Variants in ANKRD24 observed in about 807,000 individuals in gnomAD.
ANKRD24 encodes ankyrin repeat domain 24.
A neutral mutation model predicts 127.8 loss-of-function variants in ANKRD24; 109 were observed. The observed-to-expected ratio is 0.85, with a 90% confidence interval of 0.73 to 1.00. ANKRD24 has a LOEUF of 1.00. Ranked by LOEUF, ANKRD24 falls within the 50% of genes least tolerant of loss-of-function variation. The pLI is 0.00. For missense variants in ANKRD24, 1,648 were observed against 1,570.2 expected (o/e 1.05, Z -0.84); for synonymous variants, 743 against 671.1 (o/e 1.11, Z -1.66).
rs1440616640 is a variant in ANKRD24, at chr19:4,198,150, C to T, written c.37-1533C>T. The T allele has an allele frequency of 1.1e-5, 6 of 534,874 alleles. No individual in the cohort carries two copies. The highest frequency in any genetic ancestry group is 3.7e-5 in the Admixed American group (1 of 27,174). 33.1% of individuals were successfully genotyped at this position (534,874 alleles called of 1,614,324 possible). A position where few individuals can be genotyped will look rare whatever the true frequency, so the allele number is the denominator to read the frequency against. On this transcript the variant is annotated intron_variant, in intron 2 of 21. Coordinates refer to ENST00000318934, the MANE Select transcript of ANKRD24 (RefSeq NM_001393985.1). This position sits in a 1 kb window ranked among gnomAD's most constrained non-coding sequence, Gnocchi z 6.1. ...GCGGGTCCCCTGGAGATGCAGCCGG[C>T]GGCCTGCGCTGGTGAGGGAGCCGGG...
intron 2 of ANKRD24, among the ~76,000 whole-genome samples, chr19:4,193,721 C>T (rs1599401740): frequency 2.0e-5 from 3 of 151,726 alleles, no homozygotes; most frequent in South Asian, 4.2e-4. Context: ...CGTGTAATCC[C>T]AGATACTCGG....
At chr19:4,202,297 G>A (rs1568324480) in intron 6 of ANKRD24, among the ~76,000 whole-genome samples, 1 of 152,070 alleles carries the variant, frequency 6.6e-6, no homozygotes, top group African/African-American at 2.4e-5. Flanking sequence ...GCCAGGCGCG[G>A]TGGCTCACGC....
chr19:4,191,125 T>G lies in ANKRD24; in HGVS notation c.36+4664T>G, dbSNP rs545288789. On this transcript the variant is annotated intron_variant, in intron 2 of 21. Transcript: ENST00000318934. ...GTTAGCCCATAGCCTGGGCTGGAAC[T>G]GTTGCAGCAGATGGGAGGCCTGGCT... 2.0e-5 allele frequency among the ~76,000 whole-genome samples: 3 copies of G among 152,304 alleles called. No homozygotes were observed. In the East Asian group the frequency reaches 5.8e-4, roughly 29 times the overall value.
In ANKRD24 at chr19:4,208,786, C is replaced by G; in HGVS notation, c.855C>G (p.Gly285=). ...PPSALTEDDS[G]EASSQNSMSS... ...CAGCCCTCACAGAGGATGATTCAGG[C>G]GAGGCGTCATCTCAGGTATGGACCC... The change falls in exon 11 of 22, where the codon GGC becomes GGG. Residue 285 remains glycine, a synonymous_variant. Coordinates refer to ENST00000318934, the MANE Select transcript of ANKRD24 (RefSeq NM_001393985.1). 1 of 1,613,200 alleles carries G rather than the reference C, an allele frequency of 6.2e-7. No individual in the cohort carries two copies. Among genetic ancestry groups the G allele is most frequent in the Non-Finnish European group, 8.5e-7 (1 of 1,179,552 alleles).
At position 4,210,255 on chromosome 19, in the gene ANKRD24, A is replaced by G; in HGVS notation, c.952-10A>G. The G allele has an allele frequency of 6.3e-7, 1 of 1,574,914 alleles. No homozygotes were observed. Among genetic ancestry groups the G allele is most frequent in the South Asian group, 1.2e-5 (1 of 85,980 alleles). ...GCCCCATCTAAAGGCCGTGGTGGGG[A>G]GGGGAACAGGATGATCGAGATGCCT... On this transcript the variant is annotated splice_polypyrimidine_tract_variant and intron_variant, in intron 12 of 21. Coordinates refer to ENST00000318934, the MANE Select transcript of ANKRD24 (RefSeq NM_001393985.1).
Position 4,224,114 on chromosome 19 carries a change from C to G in ANKRD24, c.3298-13C>G. 6.2e-7 allele frequency: 1 copy of G among 1,611,424 alleles called. No individual in the cohort carries two copies. The highest frequency in any genetic ancestry group is 1.1e-5 in the South Asian group (1 of 90,792). ...CTCCTGCTCTTCTGAGCGCCCCTTC[C>G]TCATGCCCACAGGAAGCTGCCAGGG... On this transcript the variant is annotated splice_polypyrimidine_tract_variant and intron_variant, in intron 20 of 21. Coordinates refer to ENST00000318934, the MANE Select transcript of ANKRD24 (RefSeq NM_001393985.1).
rs1198459648 is a variant in ANKRD24 at position 4,216,849 on chromosome 19, T to TGAGGAGGCTGCAGGA, written c.1692_1706dup (p.Glu564_Gly568dup). On this transcript the variant is annotated inframe_insertion, in exon 18 of 22. Coordinates refer to ENST00000318934, the MANE Select transcript of ANKRD24 (RefSeq NM_001393985.1). ...AAGTTAACGGAGCCGAGACCATAGATGAGGAGGCTGCAGGAGATGAAACCA... is the reference window on the plus strand; with the variant it reads ...AAGTTAACGGAGCCGAGACCATAGATGAGGAGGCTGCAGGAGAGGAGGCTGCAGGAGATGAAACCA... The TGAGGAGGCTGCAGGA allele has an allele frequency of 5.0e-6, 8 of 1,609,888 alleles. No homozygotes were observed. The highest frequency in any genetic ancestry group is 1.3e-5 in the African/African-American group (1 of 74,568).
intron 11 of ANKRD24, among the ~76,000 whole-genome samples, chr19:4,209,169 G>A (rs565781295): frequency 6.6e-6 from 1 of 152,190 alleles, no homozygotes; most frequent in African/African-American, 2.4e-5. Context: ...GGAGTACAGT[G>A]GCTCGATCTT....
At chr19:4,206,011 G>A (rs900095101) in intron 7 of ANKRD24, among the ~76,000 whole-genome samples, 22 of 131,072 alleles carry the variant, frequency 1.7e-4, no homozygotes, top group African/African-American at 5.5e-4. Context: ...GTGTGGTGGC[G>A]GGCGCCTGTA....
intron 1 of ANKRD24, among the ~76,000 whole-genome samples, chr19:4,184,278 C>G (rs1408960348): frequency 3.3e-5 from 5 of 152,106 alleles, no homozygotes; most frequent in Non-Finnish European, 5.9e-5. Context: ...GCACTGTGGC[C>G]GGGAGCTCGG....
chr19:4,213,604 C>A (rs866430890), intron 15 of ANKRD24, among the ~76,000 whole-genome samples: 1 of 151,608 alleles, frequency 6.6e-6, no homozygotes, highest in Admixed American at 6.6e-5. Flanking sequence ...TACAGCTGCA[C>A]GTCACCATGT....
rs929362244 is a variant in ANKRD24, at chr19:4,198,327, G to A, written c.37-1356G>A. The stretch of plus-strand genomic sequence containing the variant: ...GGGGGCTGGCGAGGAGGGCAAGGGG[G>A]AGGGGGCGGCACCAGGGAGGGCGGG... On this transcript the variant is annotated intron_variant, in intron 2 of 21. Coordinates refer to ENST00000318934, the MANE Select transcript of ANKRD24 (RefSeq NM_001393985.1). The surrounding 1 kb of genome is among the most constrained non-coding windows in gnomAD (Gnocchi z 6.1). The A allele has an allele frequency of 4.6e-5, 19 of 413,862 alleles. No homozygotes were observed. Among genetic ancestry groups the A allele is most frequent in the Non-Finnish European group, 6.8e-5 (16 of 234,634 alleles). The allele number at this position is 413,862 out of a possible 1,614,324, so 25.6% of individuals were successfully genotyped here.
rs1462097261 is a variant in ANKRD24 at position 4,199,471 on chromosome 19, C to T, written c.37-212C>T. On this transcript the variant is annotated intron_variant, in intron 2 of 21. Coordinates refer to ENST00000318934, the MANE Select transcript of ANKRD24 (RefSeq NM_001393985.1). This position sits in a 1 kb window ranked among gnomAD's most constrained non-coding sequence, Gnocchi z 5.2. ...AAGCGATCCTCCCACCTTGGCCTCC[C>T]CAGATGCTGGGACTACAGGCGTGAG... 1 of 983,684 alleles carries T rather than the reference C, an allele frequency of 1.0e-6. No individual in the cohort carries two copies. The highest frequency in any genetic ancestry group is 1.7e-5 in the African/African-American group (1 of 57,216). The allele number at this position is 983,684 out of a possible 1,614,324, so 60.9% of individuals were successfully genotyped here. A position where few individuals can be genotyped will look rare whatever the true frequency, so the allele number is the denominator to read the frequency against.
At chr19:4,207,384 G>C in intron 8 of ANKRD24, 72 bp downstream of exon 8, 2 of 1,583,174 alleles carry the variant, frequency 1.3e-6, no homozygotes, top group Non-Finnish European at 1.7e-6. Flanking sequence ...CAGTATCTCA[G>C]GCACCCTTTG....
Position 4,217,826 on chromosome 19 carries a change from C to T in ANKRD24, c.2666C>T (p.Pro889Leu). Residue 889 changes from proline (P) to leucine (L), a missense_variant, in exon 18 of 22, where the codon CCT becomes CTT. Pro to Leu is a moderately conservative substitution (Grantham distance 98). Transcript: ENST00000318934. ...DAAEARVAEL[P>L]AACEEARQGL... ...GCTGAGGCCCGAGTGGCTGAGCTGC[C>T]TGCGGCCTGCGAGGAGGCGCGGCAG... 7.1e-7 allele frequency: 1 copy of T among 1,414,704 alleles called. No individual in the cohort carries two copies. The highest frequency in any genetic ancestry group is 2.5e-4 in the Middle Eastern group (1 of 3,972). 87.6% of individuals were successfully genotyped at this position (1,414,704 alleles called of 1,614,324 possible).
At chr19:4,200,410 G>A (rs918076834) in intron 5 of ANKRD24, among the ~76,000 whole-genome samples, 1 of 152,186 alleles carries the variant, frequency 6.6e-6, no homozygotes, top group Non-Finnish European at 1.5e-5. Flanking sequence ...TGGATGGGGA[G>A]TGACTAGGAT....
At chr19:4,191,507 G>C (rs1202611973) in intron 2 of ANKRD24, among the ~76,000 whole-genome samples, 1 of 151,924 alleles carries the variant, frequency 6.6e-6, no homozygotes, top group African/African-American at 2.4e-5. Context: ...TTTTGGGACA[G>C]AGTCTCGCTG....
intron 7 of ANKRD24, among the ~76,000 whole-genome samples, chr19:4,206,927 A>C (rs1969417164): frequency 1.3e-5 from 2 of 151,808 alleles, no homozygotes; most frequent in African/African-American, 4.8e-5. Context: ...GGTTTTTGAG[A>C]CAAGATCTCA....
chr19:4,219,570 A>G, intron 18 of ANKRD24, 21 bp from the exon 19 acceptor site: 2 of 1,590,214 alleles, frequency 1.3e-6, no homozygotes, highest in Non-Finnish European at 1.7e-6. Context: ...CCTGAGAGTC[A>G]TGCGTGGGCT....
Sources: allele counts gnomAD v4.1 joint callset (sites outside exome capture counted in the v4.1 genomes callset), GRCh38; gene constraint gnomAD v4.1.1; non-coding constraint Gnocchi (gnomAD v3.1); transcripts MANE v1.5; gene names NCBI Gene and HGNC (gene_info 2026-07-23, HGNC 2026-07-21).